The following CSNK1D variants were observed in gnomAD, a reference collection of about 807,000 sequenced individuals.
The protein encoded by CSNK1D is casein kinase 1 delta.
Under a neutral mutation model 46.6 loss-of-function variants are expected in CSNK1D, and 16 were observed. That is an observed-to-expected ratio of 0.34 (90% confidence interval 0.23 to 0.52). The LOEUF (loss-of-function observed/expected upper bound fraction) is 0.52, where lower values mean the gene tolerates loss of function less well. Among genes scored for constraint, CSNK1D ranks in the 20% least tolerant of loss-of-function variants. The pLI, the probability that CSNK1D is intolerant of heterozygous loss-of-function variation, is 0.95. For missense variants in CSNK1D, 398 were observed against 578.4 expected, an observed-to-expected ratio of 0.69 and a Z score of 3.20; for synonymous variants, 276 against 228.2, an observed-to-expected ratio of 1.21 and a Z score of -1.89.
At chr17:82,240,937 G>A (rs1270546986), downstream of CSNK1D, among the ~76,000 whole-genome samples, 2 of 152,210 alleles carry the variant, frequency 1.3e-5, no homozygotes, top group African/African-American at 4.8e-5. Flanking sequence ...CAGGAGTGAA[G>A]GGGAAGGGAA....
rs1187027333 is a variant in CSNK1D, at chr17:82,244,734, T to G, written c.*47A>C. 1 of 1,613,088 alleles carries G rather than the reference T, an allele frequency of 6.2e-7. No homozygotes were observed. The highest frequency in any genetic ancestry group is 1.3e-5 in the African/African-American group (1 of 74,808). Reference sequence around the variant, plus strand: ...ACTAGTAAAGCCATTGGTAACAGAGTAGATCAGCCATGCATTGTCTGCCCT... The same window carrying G: ...ACTAGTAAAGCCATTGGTAACAGAGGAGATCAGCCATGCATTGTCTGCCCT... On this transcript the variant is annotated 3_prime_UTR_variant, in exon 9 of 9. Coordinates refer to ENST00000314028, the MANE Select transcript of CSNK1D (RefSeq NM_001893.6).
intron 2 of CSNK1D, among the ~76,000 whole-genome samples, chr17:82,259,132 A>G (rs1345829708): frequency 6.6e-6 from 1 of 152,226 alleles, no homozygotes; most frequent in African/African-American, 2.4e-5. Flanking sequence ...AATCTTCCTT[A>G]AATGTCCTTC....
rs113049468 is a variant in CSNK1D at position 82,253,325 on chromosome 17, G to A, written c.337-81C>T. On this transcript the variant is annotated intron_variant, in intron 3 of 8. Coordinates refer to ENST00000314028, the MANE Select transcript of CSNK1D (RefSeq NM_001893.6). ...CGCTCAACTGTGGGACACTACATCA[G>A]TGGCTGCATTGTTCCTGCCCCTCAG... The A allele has an allele frequency of 3.3e-3, 3,590 of 1,077,134 alleles. 75 individuals carry two copies. The African/African-American group carries it at 0.042, about 13-fold the overall frequency. 66.7% of individuals were successfully genotyped at this position (1,077,134 alleles called of 1,614,324 possible). A position where few individuals can be genotyped will look rare whatever the true frequency, so the allele number is the denominator to read the frequency against.
intron 2 of CSNK1D, among the ~76,000 whole-genome samples, chr17:82,263,131 G>A (rs1324539864): frequency 6.6e-6 from 1 of 152,230 alleles, no homozygotes; most frequent in African/African-American, 2.4e-5. Context: ...AGTGGGCCAA[G>A]ATTGCGCCAT....
Position 82,242,780 on chromosome 17 carries a change from C to A in CSNK1D, c.*2001G>T, listed in dbSNP as rs896389150. 1.0e-6 allele frequency: 1 copy of A among 985,168 alleles called. No homozygotes were observed. The highest frequency in any genetic ancestry group is 1.7e-5 in the African/African-American group (1 of 57,238). The allele number at this position is 985,168 out of a possible 1,614,324, so 61.0% of individuals were successfully genotyped here. On this transcript the variant is annotated 3_prime_UTR_variant, in exon 9 of 9. Coordinates refer to ENST00000314028, the MANE Select transcript of CSNK1D (RefSeq NM_001893.6). ...GGCCGTCAGTGCACAGCTGACACGACGTCCTACCTACGTCTCCTGCACGGG... is the reference window on the plus strand; with the variant it reads ...GGCCGTCAGTGCACAGCTGACACGAAGTCCTACCTACGTCTCCTGCACGGG...
downstream of CSNK1D, among the ~76,000 whole-genome samples, chr17:82,241,416 A>G (rs1171335820): frequency 6.6e-6 from 1 of 152,236 alleles, no homozygotes; most frequent in Non-Finnish European, 1.5e-5. Flanking sequence ...GCCTGAGGAC[A>G]CAGACCCAGC....
intron 1 of CSNK1D, among the ~76,000 whole-genome samples, chr17:82,270,265 G>A (rs1385463758): frequency 6.6e-6 from 1 of 152,190 alleles, no homozygotes; most frequent in Non-Finnish European, 1.5e-5. Context: ...CCCTCCAACT[G>A]TCACAGCAGG....
chr17:82,259,146 A>G (rs527667457), intron 2 of CSNK1D, among the ~76,000 whole-genome samples: 28 of 152,346 alleles, frequency 1.8e-4, no homozygotes, highest in African/African-American at 6.5e-4. Context: ...GTCCTTCAAT[A>G]AAGTTTATAT....
In CSNK1D at chr17:82,243,198, G is replaced by A. The variant is rs909107510; in HGVS notation, c.*1583C>T. 26 of 985,530 alleles carry A rather than the reference G, an allele frequency of 2.6e-5. No homozygotes were observed. Among genetic ancestry groups the A allele is most frequent in the Admixed American group, 6.1e-5 (1 of 16,262 alleles). 61.0% of individuals were successfully genotyped at this position (985,530 alleles called of 1,614,324 possible). A position where few individuals can be genotyped will look rare whatever the true frequency, so the allele number is the denominator to read the frequency against. ...AGACGGCCAGCCAGCTGGTGGGGGGGTGAACAACTGTGTTCTGGGACGCCA... is the reference window on the plus strand; with the variant it reads ...AGACGGCCAGCCAGCTGGTGGGGGGATGAACAACTGTGTTCTGGGACGCCA... On this transcript the variant is annotated 3_prime_UTR_variant, in exon 9 of 9. Coordinates refer to ENST00000314028, the MANE Select transcript of CSNK1D (RefSeq NM_001893.6).
At chr17:82,241,655 A>G (rs2050743218), downstream of CSNK1D, among the ~76,000 whole-genome samples, 1 of 152,216 alleles carries the variant, frequency 6.6e-6, no homozygotes, top group Non-Finnish European at 1.5e-5. Flanking sequence ...CCACGGCCAC[A>G]GTGAGGCCCC....
At chr17:82,265,384 G>A (rs755473235) in intron 2 of CSNK1D, 3 of 392,172 alleles carry the variant, frequency 7.6e-6, no homozygotes, top group Non-Finnish European at 1.5e-5. Flanking sequence ...TCACTACGTT[G>A]GCCAGGCTAG....
chr17:82,247,217 C>G, intron 8 of CSNK1D: 1 of 985,436 alleles, frequency 1.0e-6, no homozygotes, highest in Non-Finnish European at 1.2e-6. Context: ...ATATGGAAAA[C>G]GAGGGCCTAA....
At chr17:82,239,045 C>T (rs947607509), downstream of CSNK1D, 2 of 1,437,034 alleles carry the variant, frequency 1.4e-6, no homozygotes, top group Non-Finnish European at 1.9e-6. Context: ...ATTTATTTTA[C>T]AAACTGGACT....
downstream of CSNK1D, among the ~76,000 whole-genome samples, chr17:82,242,493 C>T (rs1241726624): frequency 7.4e-6 from 1 of 134,740 alleles, no homozygotes; most frequent in African/African-American, 2.9e-5. Context: ...GCCACCCCTC[C>T]CTGCCCGGCA....
In CSNK1D at chr17:82,243,930, C is replaced by T. The variant is rs193298400; in HGVS notation, c.*851G>A. ...TGCTAGGGTCTCAAAGCCTCTGCTT[C>T]CAAGCTCTCAGCTGCCTGCCCACCT... is the stretch of plus-strand genomic sequence containing the variant. On this transcript the variant is annotated 3_prime_UTR_variant, in exon 9 of 9. Transcript: ENST00000314028. 6 of 985,884 alleles carry T rather than the reference C, an allele frequency of 6.1e-6. No homozygotes were observed. The East Asian group carries it at 6.8e-4, about 112-fold the overall frequency. The allele number at this position is 985,884 out of a possible 1,614,324, so 61.1% of individuals were successfully genotyped here.
intron 8 of CSNK1D, chr17:82,245,057 G>T (rs967789277): frequency 1.6e-6 from 1 of 637,244 alleles, no homozygotes; most frequent in African/African-American, 1.8e-5. Context: ...TGCAAGCAAG[G>T]TGCCCGCGGA....
chr17:82,255,983 A>G lies in CSNK1D; in HGVS notation c.188-406T>C, dbSNP rs1300075454. ...CACAGGAGATGGGAGGAGAGAAAGC[A>G]GCTACCGTGGGTTAGGTGAGAGAAG... On this transcript the variant is annotated intron_variant, in intron 2 of 8. Transcript: ENST00000314028. The surrounding 1 kb of genome is among the most constrained non-coding windows in gnomAD (Gnocchi z 5.9). Among the ~76,000 whole-genome samples the G allele has an allele frequency of 6.6e-6, 1 of 152,260 alleles. No homozygotes were observed. Among genetic ancestry groups the G allele is most frequent in the Non-Finnish European group, 1.5e-5 (1 of 68,040 alleles).
downstream of CSNK1D, chr17:82,239,860 C>T (rs1599565396): frequency 1.8e-6 from 1 of 545,546 alleles, no homozygotes; most frequent in East Asian, 3.5e-5. Context: ...TGCACCCTGT[C>T]CTCCATCCAG....
intron 2 of CSNK1D, among the ~76,000 whole-genome samples, chr17:82,258,823 C>T (rs1258775327): frequency 6.6e-6 from 1 of 152,220 alleles, no homozygotes; most frequent in African/African-American, 2.4e-5. Context: ...CCCTGAGGCC[C>T]GGTGTGCTCA....
Sources: gnomAD v4.1 joint callset for allele counts (sites outside exome capture counted in the v4.1 genomes callset) on GRCh38, gnomAD v4.1.1 for gene constraint, Gnocchi (gnomAD v3.1) non-coding constraint, MANE v1.5 for transcripts, NCBI Gene and HGNC (gene_info 2026-07-23, HGNC 2026-07-21) for gene names.